RAP1B: variants seen among roughly 807,000 people sequenced by gnomAD.
RAP1B encodes the protein ras-related protein Rap-1b.
In RAP1B, 1 loss-of-function variant was observed where a neutral mutation model predicts 27.5. That is an observed-to-expected ratio of 0.04 (90% CI 0.01 to 0.17). RAP1B has a LOEUF of 0.17. Ranked by LOEUF, RAP1B falls within the 10% of genes least tolerant of loss-of-function variation. The pLI, the probability that RAP1B is intolerant of heterozygous loss-of-function variation, is 1.00. For synonymous variants in RAP1B, 75 were observed against 73.1 expected (o/e 1.03, Z -0.13); for missense variants, 84 against 214.8 (o/e 0.39, Z 3.81).
At chr12:68,652,183 C>A in intron 4 of RAP1B, 132 bp downstream of exon 4, 1 of 630,764 alleles carries the variant, frequency 1.6e-6, no homozygotes, top group Non-Finnish European at 2.6e-6. Context: ...TAGTGGCTCA[C>A]ACCTCTATTC....
At chr12:68,625,458 G>T (rs1871688940) in intron 1 of RAP1B, among the ~76,000 whole-genome samples, 1 of 152,192 alleles carries the variant, frequency 6.6e-6, no homozygotes, top group African/African-American at 2.4e-5. Context: ...AAGTACCTAT[G>T]CTCCCACTAT....
intron 1 of RAP1B, among the ~76,000 whole-genome samples, chr12:68,612,360 A>G (rs893811715): frequency 1.3e-5 from 2 of 152,170 alleles, no homozygotes; most frequent in Admixed American, 6.5e-5. Context: ...TCAAGCCCAT[A>G]TTATTCTTAA....
chr12:68,621,645 CT>C (rs528823115), intron 1 of RAP1B, among the ~76,000 whole-genome samples: 210 of 152,292 alleles, frequency 1.4e-3, no homozygotes, highest in Non-Finnish European at 2.3e-3. Flanking sequence ...TTAAGAGGTT[CT>C]TGTTAAGTGC....
At chr12:68,620,606 CTT>C (rs71091541) in intron 1 of RAP1B, among the ~76,000 whole-genome samples, 31 of 143,334 alleles carry the variant, frequency 2.2e-4, no homozygotes, top group East Asian at 4.0e-4. Context: ...TTTTCCTTTT[CTT>C]TTTTTTTTTT....
intron 1 of RAP1B, among the ~76,000 whole-genome samples, chr12:68,614,632 G>C (rs1047674052): frequency 7.9e-5 from 12 of 152,146 alleles, no homozygotes; most frequent in African/African-American, 2.9e-4. Flanking sequence ...GGACTCCATG[G>C]TCTAAGAGAT....
At chr12:68,622,328 G>C (rs1871441385) in intron 1 of RAP1B, among the ~76,000 whole-genome samples, 1 of 152,144 alleles carries the variant, frequency 6.6e-6, no homozygotes, top group African/African-American at 2.4e-5. Context: ...TTTCTACCCA[G>C]AATACAAAGT....
At chr12:68,628,835 T>C (rs1258472714) in intron 1 of RAP1B, among the ~76,000 whole-genome samples, 1 of 152,218 alleles carries the variant, frequency 6.6e-6, no homozygotes, top group East Asian at 1.9e-4. Context: ...TAGTCATCTG[T>C]GGCTAGTGGC....
chr12:68,616,574 C>A (rs2135910797), intron 1 of RAP1B, among the ~76,000 whole-genome samples: 1 of 150,784 alleles, frequency 6.6e-6, no homozygotes, highest in South Asian at 2.1e-4. Context: ...GCTAGTACTA[C>A]AGGCGCACAC....
At chr12:68,634,983 G>C (rs531811085) in intron 1 of RAP1B, among the ~76,000 whole-genome samples, 23 of 152,316 alleles carry the variant, frequency 1.5e-4, no homozygotes, top group Admixed American at 1.1e-3. Context: ...TACACAGTTT[G>C]ATAATCTACA....
At chr12:68,623,903 C>T (rs1871560302) in intron 1 of RAP1B, among the ~76,000 whole-genome samples, 1 of 152,266 alleles carries the variant, frequency 6.6e-6, no homozygotes, top group South Asian at 2.1e-4. Context: ...CGCCAGTAGT[C>T]CCAGCTACTC....
intron 1 of RAP1B, among the ~76,000 whole-genome samples, chr12:68,640,096 C>T (rs1872892040): frequency 6.6e-6 from 1 of 152,138 alleles, no homozygotes; most frequent in Admixed American, 6.5e-5. Flanking sequence ...ACCTCAGCCT[C>T]CCAGAGTGCT....
At position 68,669,209 on chromosome 12, in the gene RAP1B, A is replaced by G. The variant is rs1874970240; in HGVS notation, c.*9960A>G. 1 of 152,240 alleles carries G rather than the reference A, an allele frequency of 6.6e-6. No homozygotes were observed. Among genetic ancestry groups the G allele is most frequent in the African/African-American group, 2.4e-5 (1 of 41,464 alleles). The allele number at this position is 152,240 out of a possible 1,614,324, so 9.4% of individuals were successfully genotyped here. A position where few individuals can be genotyped will look rare whatever the true frequency, so the allele number is the denominator to read the frequency against. On this transcript the variant is annotated 3_prime_UTR_variant, in exon 8 of 8. Coordinates refer to ENST00000250559, the MANE Select transcript of RAP1B (RefSeq NM_001010942.3). Reference sequence around the variant, plus strand: ...AGATAAAAACTAAATGCCTTAAGGTATAAGGCTAAGAAAGAACTATTATAA... The same window carrying G: ...AGATAAAAACTAAATGCCTTAAGGTGTAAGGCTAAGAAAGAACTATTATAA...
chr12:68,612,323 A>G (rs1430921439), intron 1 of RAP1B, among the ~76,000 whole-genome samples: 1 of 152,204 alleles, frequency 6.6e-6, no homozygotes, highest in Admixed American at 6.5e-5. Flanking sequence ...AAAGTAACTT[A>G]TAGAAAAGGG....
intron 7 of RAP1B, chr12:68,657,725 A>AACACACACACACACACAC (rs61700927): frequency 5.5e-5 from 7 of 126,158 alleles, no homozygotes; most frequent in African/African-American, 1.3e-4. Context: ...CCTAATTTAA[A>AACACACACACACACACAC]ACACACACAC....
At chr12:68,657,349 G>A in intron 7 of RAP1B, 132 bp downstream of exon 7, 1 of 576,634 alleles carries the variant, frequency 1.7e-6, no homozygotes, top group Non-Finnish European at 3.1e-6. Flanking sequence ...AGATATCCAT[G>A]AGTTAGTATG....
In RAP1B at chr12:68,667,097, T is replaced by C. The variant is rs1038123905; in HGVS notation, c.*7848T>C. On this transcript the variant is annotated 3_prime_UTR_variant, in exon 8 of 8. Coordinates refer to ENST00000250559, the MANE Select transcript of RAP1B (RefSeq NM_001010942.3). ...ATATTTATCAATGATGACAGAAACT[T>C]CCCCCCTTTTACTTAGATCTAATAG... 1 of 152,080 alleles carries C rather than the reference T, an allele frequency of 6.6e-6. No homozygotes were observed. The allele number at this position is 152,080 out of a possible 1,614,324, so 9.4% of individuals were successfully genotyped here. A position where few individuals can be genotyped will look rare whatever the true frequency, so the allele number is the denominator to read the frequency against.
intron 3 of RAP1B, 150 bp from the exon 4 acceptor site, chr12:68,651,845 C>A: frequency 1.7e-6 from 1 of 571,568 alleles, no homozygotes; most frequent in Non-Finnish European, 3.1e-6. Flanking sequence ...GCTATTTTTC[C>A]TCCTGCTTTG....
intron 1 of RAP1B, among the ~76,000 whole-genome samples, chr12:68,624,150 C>T (rs993018986): frequency 1.3e-5 from 2 of 152,138 alleles, no homozygotes; most frequent in African/African-American, 4.8e-5. Context: ...GCTTTAGAAA[C>T]CCTCTTTGCC....
At chr12:68,652,111 G>A in intron 4 of RAP1B, 60 bp downstream of exon 4, 1 of 1,275,048 alleles carries the variant, frequency 7.8e-7, no homozygotes, top group African/African-American at 1.5e-5. Context: ...CTTCATAAAT[G>A]CTAGTACTCT....
Sources: gnomAD v4.1 joint callset for allele counts (sites outside exome capture counted in the v4.1 genomes callset) on GRCh38, gnomAD v4.1.1 for gene constraint, MANE v1.5 for transcripts, NCBI Gene and HGNC (gene_info 2026-07-23, HGNC 2026-07-21) for gene names.